The following WDR20 variants were observed in gnomAD, a reference collection of about 807,000 sequenced individuals.
WDR20 encodes WD repeat domain 20, also known as WD repeat-containing protein 20.
A neutral mutation model predicts 38.7 loss-of-function variants in WDR20; 3 were observed. The observed-to-expected ratio is 0.08, with a 90% confidence interval of 0.04 to 0.20. WDR20 has a LOEUF of 0.20. Ranked by LOEUF, WDR20 falls within the 10% of genes least tolerant of loss-of-function variation. WDR20 has a pLI of 1.00. For synonymous variants in WDR20, 298 were observed against 285.6 expected (o/e 1.04, Z -0.44); for missense variants, 559 against 727.7 (o/e 0.77, Z 2.67).
intron 1 of WDR20, among the ~76,000 whole-genome samples, chr14:102,141,936 A>T (rs1595735675): frequency 6.6e-6 from 1 of 152,176 alleles, no homozygotes; most frequent in Non-Finnish European, 1.5e-5. Flanking sequence ...TTGAAATGTT[A>T]TGACTTCTGA....
At chr14:102,151,173 A>G (rs1377137609) in intron 1 of WDR20, among the ~76,000 whole-genome samples, 5 of 111,550 alleles carry the variant, frequency 4.5e-5, no homozygotes, top group African/African-American at 2.0e-4. Flanking sequence ...CCATTGGGGA[A>G]TTTTTTTTTT....
At chr14:102,187,584 G>A (rs907168522) in intron 1 of WDR20, among the ~76,000 whole-genome samples, 9 of 152,200 alleles carry the variant, frequency 5.9e-5, no homozygotes, top group African/African-American at 2.2e-4. Flanking sequence ...GCCACATTGG[G>A]CAGCCTGTGA....
intron 1 of WDR20, among the ~76,000 whole-genome samples, chr14:102,183,711 C>T (rs935265614): frequency 3.9e-5 from 6 of 152,112 alleles, no homozygotes; most frequent in African/African-American, 7.2e-5. Flanking sequence ...GACTTAGGGC[C>T]GTTTTCACTT....
chr14:102,196,951 A>G (rs1258762070), intron 2 of WDR20, among the ~76,000 whole-genome samples: 1 of 152,184 alleles, frequency 6.6e-6, no homozygotes, highest in Non-Finnish European at 1.5e-5. Flanking sequence ...GGCCATGTGG[A>G]TACATTTTTA....
At chr14:102,204,589 G>C (rs926403917) in intron 2 of WDR20, among the ~76,000 whole-genome samples, 2 of 152,188 alleles carry the variant, frequency 1.3e-5, no homozygotes, top group Non-Finnish European at 2.9e-5. Flanking sequence ...TGGGACTTCA[G>C]GCAAGTTTCT....
At chr14:102,200,307 G>C (rs2152968323) in intron 2 of WDR20, among the ~76,000 whole-genome samples, 1 of 152,284 alleles carries the variant, frequency 6.6e-6, no homozygotes, top group East Asian at 1.9e-4. Context: ...GGCCATTATT[G>C]AAAGTATCTT....
intron 2 of WDR20, chr14:102,197,621 A>C: frequency 3.3e-6 from 2 of 597,990 alleles, no homozygotes; most frequent in Non-Finnish European, 6.0e-6. Context: ...AGCTGGAAAG[A>C]TAAATTGGAA....
At chr14:102,219,887 C>T (rs746145987), downstream of WDR20, among the ~76,000 whole-genome samples, 1 of 152,234 alleles carries the variant, frequency 6.6e-6, no homozygotes, top group Admixed American at 6.5e-5. Context: ...TTCAAGATCT[C>T]TCTGGAAGCT....
At chr14:102,204,061 C>G (rs1207689870) in intron 2 of WDR20, among the ~76,000 whole-genome samples, 3 of 152,180 alleles carry the variant, frequency 2.0e-5, no homozygotes. Context: ...GGGTCTGAGA[C>G]AGGCTGGTGC....
At chr14:102,164,521 A>G (rs1239282554) in intron 1 of WDR20, among the ~76,000 whole-genome samples, 1 of 152,218 alleles carries the variant, frequency 6.6e-6, no homozygotes, top group African/African-American at 2.4e-5. Context: ...TTCTACTGCA[A>G]TATGGCCTTG....
At chr14:102,162,329 A>G (rs906714184) in intron 1 of WDR20, among the ~76,000 whole-genome samples, 2 of 152,156 alleles carry the variant, frequency 1.3e-5, no homozygotes, top group African/African-American at 2.4e-5. Flanking sequence ...CTGTTTGACT[A>G]CTATGATTGA....
At position 102,209,348 on chromosome 14, in the gene WDR20, C is replaced by T; in HGVS notation, c.1178C>T (p.Pro393Leu). 6.2e-7 allele frequency: 1 copy of T among 1,614,144 alleles called. No homozygotes were observed. The highest frequency in any genetic ancestry group is 8.5e-7 in the Non-Finnish European group (1 of 1,180,034). The part of the protein sequence containing the change: ...LTEDILFPHQ[P>L]LSRARTHTNV... ...GAAGATATCCTTTTCCCTCACCAAC[C>T]CCTCTCAAGAGCAAGGACACACACA... Residue 393 changes from proline (P) to leucine (L), a missense_variant, in exon 3 of 3, where the codon CCC (proline) becomes CTC (leucine). Transcript: ENST00000342702. The surrounding 1 kb of genome is among the most constrained non-coding windows in gnomAD (Gnocchi z 6.0).
At chr14:102,218,397 G>A (rs556662225), downstream of WDR20, among the ~76,000 whole-genome samples, 6 of 152,330 alleles carry the variant, frequency 3.9e-5, no homozygotes, top group South Asian at 6.2e-4. Context: ...CTAGGAGACC[G>A]TCCAGGCCTG....
At chr14:102,217,095 G>T (rs970572865), downstream of WDR20, among the ~76,000 whole-genome samples, 6 of 152,242 alleles carry the variant, frequency 3.9e-5, no homozygotes, top group Non-Finnish European at 8.8e-5. Context: ...CCTTTTAGGT[G>T]GGGGGCAGCA....
intron 1 of WDR20, among the ~76,000 whole-genome samples, chr14:102,180,561 G>A (rs1490670901): frequency 6.6e-6 from 1 of 152,182 alleles, no homozygotes; most frequent in African/African-American, 2.4e-5. Context: ...AATTCTGTAA[G>A]AATTTTGTGA....
intron 1 of WDR20, among the ~76,000 whole-genome samples, chr14:102,144,503 T>G (rs1311346506): frequency 2.0e-5 from 3 of 150,658 alleles, no homozygotes; most frequent in African/African-American, 2.4e-5. Flanking sequence ...AAAAAGATTG[T>G]TTTAGGATGT....
chr14:102,189,754 A>G lies in WDR20; in HGVS notation c.250-5184A>G, dbSNP rs141292470. On this transcript the variant is annotated intron_variant, in intron 1 of 2. Coordinates refer to ENST00000342702, the MANE Select transcript of WDR20 (RefSeq NM_144574.4). ...TGAAAAAAACTAATTTTGTGGAACTATACAGTGGTAACTGTTTAATAAAGT... is the reference window on the plus strand; with the variant it reads ...TGAAAAAAACTAATTTTGTGGAACTGTACAGTGGTAACTGTTTAATAAAGT... 3.1e-3 allele frequency among the ~76,000 whole-genome samples: 475 copies of G among 152,386 alleles called. 1 individual carries two copies. The highest frequency in any genetic ancestry group is 0.011 in the African/African-American group (448 of 41,588).
In WDR20 at chr14:102,220,066, G is replaced by A. The variant is rs1273464894; in HGVS notation, c.1693-2764G>A. 7.2e-5 allele frequency among the ~76,000 whole-genome samples: 11 copies of A among 152,256 alleles called. No individual in the cohort carries two copies. The highest frequency in any genetic ancestry group is 1.5e-5 in the Non-Finnish European group (1 of 68,034). ...AAGCCTGCAGCCCTCGCGTTGGGTC[G>A]CTTTCTAGGGGTGCGGCTTTGTAGG... On this transcript the variant is annotated intron_variant, in intron 3 of 3. Transcript: ENST00000335263. This position sits in a 1 kb window ranked among gnomAD's most constrained non-coding sequence, Gnocchi z 4.2.
chr14:102,209,751 A>C lies in WDR20; in HGVS notation c.1581A>C (p.Ile527=). 1 of 1,614,130 alleles carries C rather than the reference A, an allele frequency of 6.2e-7. No homozygotes were observed. Among genetic ancestry groups the C allele is most frequent in the Non-Finnish European group, 8.5e-7 (1 of 1,180,040 alleles). The stretch of plus-strand genomic sequence containing the variant: ...ATGTTCCCTTGTTAGAGCCGCTGAT[A>C]TGTAAAAAGATAGCACATGAGAGAC... ...MEDVPLLEPL[I]CKKIAHERLT... The change falls in exon 3 of 3, where the codon ATA becomes ATC. Residue 527 remains isoleucine (I), a synonymous_variant. Coordinates refer to ENST00000342702, the MANE Select transcript of WDR20 (RefSeq NM_144574.4). This position sits in a 1 kb window ranked among gnomAD's most constrained non-coding sequence, Gnocchi z 6.0.
Sources: gnomAD v4.1 joint callset for allele counts (sites outside exome capture counted in the v4.1 genomes callset) on GRCh38, gnomAD v4.1.1 for gene constraint, Gnocchi (gnomAD v3.1) non-coding constraint, MANE v1.5 for transcripts, NCBI Gene and HGNC (gene_info 2026-07-23, HGNC 2026-07-21) for gene names.